POLD1: variants seen among roughly 807,000 people sequenced by gnomAD.
POLD1 encodes the protein DNA polymerase delta 1, catalytic subunit.
POLD1 carries 79 observed loss-of-function variants against 129.7 expected under a neutral mutation model. The observed-to-expected ratio is 0.61, with a 90% CI of 0.51 to 0.73. The LOEUF is 0.73. POLD1 is among the 30% of genes least tolerant of loss of function. The pLI is 0.00. For synonymous variants in POLD1, 714 were observed against 683.3 expected (o/e 1.04, Z -0.70); for missense variants, 1,338 against 1,595.8 (o/e 0.84, Z 2.75).
chr19:50,413,634 T>A (rs1407748608), intron 18 of POLD1, 108 bp from the exon 19 acceptor site: 5 of 1,532,382 alleles, frequency 3.3e-6, no homozygotes, highest in Non-Finnish European at 4.5e-6. Context: ...CCCACTCTCC[T>A]GTTGCATCCT....
chr19:50,401,710 A>T (rs1398027849), intron 3 of POLD1, 68 bp from the exon 4 acceptor site: 1 of 1,553,852 alleles, frequency 6.4e-7, no homozygotes, highest in African/African-American at 1.4e-5. Context: ...AGGTATTTCG[A>T]GGCTGTGGAG....
At chr19:50,396,436 G>A (rs538313126) in intron 1 of POLD1, among the ~76,000 whole-genome samples, 2 of 139,584 alleles carry the variant, frequency 1.4e-5, no homozygotes, top group South Asian at 2.1e-4. Context: ...ATCTTGTCAA[G>A]GATATTGTAT....
chr19:50,412,828 TCGAA>T (rs2039133837), intron 17 of POLD1, among the ~76,000 whole-genome samples: 2 of 152,132 alleles, frequency 1.3e-5, no homozygotes, highest in Non-Finnish European at 2.9e-5. Flanking sequence ...CAGGCTGATC[TCGAA>T]CTCCTGACCT....
chr19:50,401,667 C>T, intron 3 of POLD1, 111 bp from the exon 4 acceptor site: 1 of 1,190,030 alleles, frequency 8.4e-7, no homozygotes, highest in Non-Finnish European at 1.2e-6. Flanking sequence ...GGGAACGGTA[C>T]AGGGGCAGGA....
intron 10 of POLD1, among the ~76,000 whole-genome samples, chr19:50,404,574 CT>C (rs71182717): frequency 2.4e-3 from 183 of 77,856 alleles, no homozygotes; most frequent in African/African-American, 9.2e-3. Context: ...TTTTCTCTTT[CT>C]TTTTTTTTTT....
intron 1 of POLD1, among the ~76,000 whole-genome samples, chr19:50,396,368 G>A (rs569674683): frequency 6.6e-6 from 1 of 151,462 alleles, no homozygotes; most frequent in African/African-American, 2.4e-5. Context: ...GGATTACAGC[G>A]TGGGCCACCG....
rs1254476274 is a variant in POLD1 at position 50,402,711 on chromosome 19, A to T, written c.940A>T (p.Ser314Cys). 6.3e-7 allele frequency: 1 copy of T among 1,597,590 alleles called. No individual in the cohort carries two copies. The highest frequency in any genetic ancestry group is 2.1e-4 in the Middle Eastern group (1 of 4,826). The part of the protein sequence containing the change: ...WQRIAPLRVL[S>C]FDIECAGRKG... ...GCGCATTGCGCCCTTGCGCGTGCTC[A>T]GCTTCGATATCGAGTGCGCCGGCCG... The change falls in exon 8 of 27, where the codon AGC becomes TGC. Residue 314 changes from serine (S) to cysteine (C), a missense_variant. By Grantham distance (112) the Ser-to-Cys change is moderately radical. Around this residue, in one of 3 missense-constraint regions of POLD1, gnomAD observed 720 missense variants for 1,002.6 expected, o/e 0.72. Coordinates refer to ENST00000440232, the MANE Select transcript of POLD1 (RefSeq NM_002691.4).
chr19:50,416,280 C>G (rs3219438), intron 22 of POLD1, 116 bp from the exon 23 acceptor site: 2 of 1,092,506 alleles, frequency 1.8e-6, no homozygotes, highest in East Asian at 2.6e-5. Flanking sequence ...CAGGCCCCCC[C>G]CATGTCACAG....
chr19:50,402,280 C>T lies in POLD1; in HGVS notation c.665C>T (p.Pro222Leu), dbSNP rs368940099. 46 of 1,607,372 alleles carry T rather than the reference C, an allele frequency of 2.9e-5. No individual in the cohort carries two copies. Among genetic ancestry groups the T allele is most frequent in the South Asian group, 1.9e-4 (17 of 90,402 alleles). Residue 222 changes from proline (P) to leucine (L), a missense_variant, in exon 6 of 27, where the codon CCG (proline) becomes CTG (leucine). Transcript: ENST00000440232. Reference sequence around the variant, plus strand: ...GTGGCGCTGCCGCGCCTCGTGGCCCCGGCCCGCCGTCTCCTGGAACAGGGC... The same window carrying T: ...GTGGCGCTGCCGCGCCTCGTGGCCCTGGCCCGCCGTCTCCTGGAACAGGGC... ...ITVALPRLVAPARRLLEQGIR... is the reference protein window; with the variant it reads ...ITVALPRLVALARRLLEQGIR...
At chr19:50,399,190 C>G in intron 2 of POLD1, 137 bp downstream of exon 2, 1 of 1,342,310 alleles carries the variant, frequency 7.4e-7, no homozygotes. Flanking sequence ...TGCCCTTCCA[C>G]CCCGTGCAGC....
chr19:50,402,442 A>T lies in POLD1; in HGVS notation c.759-12A>T. 1 of 1,612,460 alleles carries T rather than the reference A, an allele frequency of 6.2e-7. No homozygotes were observed. On this transcript the variant is annotated splice_polypyrimidine_tract_variant and intron_variant, in intron 6 of 26. Transcript: ENST00000440232. ...GGGCAGCCCCTGTCCACTGACCCCCAGCCCCCTCCAGGTTCATGGTGGACA... is the reference window on the plus strand; with the variant it reads ...GGGCAGCCCCTGTCCACTGACCCCCTGCCCCCTCCAGGTTCATGGTGGACA...
intron 3 of POLD1, among the ~76,000 whole-genome samples, chr19:50,401,391 A>ATTTTTTTTTTTTTTTTTTTTT (rs1203165864): frequency 3.0e-5 from 2 of 65,990 alleles, no homozygotes; most frequent in Non-Finnish European, 5.1e-5. Flanking sequence ...ATATATATAT[A>ATTTTTTTTTTTTTTTTTTTTT]TTTTTTTTTT....
At chr19:50,403,029 C>T (rs1210741696) in intron 8 of POLD1, 24 bp from the exon 9 acceptor site, 4 of 1,551,788 alleles carry the variant, frequency 2.6e-6, no homozygotes, top group South Asian at 1.2e-5. Flanking sequence ...AGGAGTCAGG[C>T]CCCTGCATCC....
At chr19:50,384,747 C>G (rs537710436) in intron 1 of POLD1, among the ~76,000 whole-genome samples, 5 of 152,298 alleles carry the variant, frequency 3.3e-5, no homozygotes, top group African/African-American at 1.2e-4. Context: ...GAAGCAGGAA[C>G]AAGTCAGAGA....
chr19:50,400,895 A>G (rs1568617217), intron 3 of POLD1, among the ~76,000 whole-genome samples: 1 of 149,876 alleles, frequency 6.7e-6, no homozygotes. Flanking sequence ...ATGGGGTTTC[A>G]CCGTTTTAGC....
rs562423630 is a variant in POLD1, at chr19:50,403,306, G to C, written c.1137+87G>C. 3.1e-5 allele frequency: 42 copies of C among 1,362,316 alleles called. 1 individual carries two copies. The highest frequency in any genetic ancestry group is 3.0e-6 in the Non-Finnish European group (3 of 997,846). The allele number at this position is 1,362,316 out of a possible 1,614,324, so 84.4% of individuals were successfully genotyped here. On this transcript the variant is annotated intron_variant, in intron 9 of 26. Transcript: ENST00000440232. Reference sequence around the variant, plus strand: ...GCCATCAGCTCCTGGGTGCTGCGACGCCCATGTCTGTGGGTCTGGGTGGGT... The same window carrying C: ...GCCATCAGCTCCTGGGTGCTGCGACCCCCATGTCTGTGGGTCTGGGTGGGT...
intron 26 of POLD1, 24 bp downstream of exon 26, chr19:50,417,293 G>T (rs781356552): frequency 2.0e-6 from 3 of 1,518,584 alleles, no homozygotes; most frequent in Admixed American, 3.7e-5. Flanking sequence ...CCCGACCCTG[G>T]GCTGCCCCGC....
At chr19:50,392,152 C>G (rs947754558) in intron 1 of POLD1, among the ~76,000 whole-genome samples, 25 of 152,172 alleles carry the variant, frequency 1.6e-4, no homozygotes, top group African/African-American at 5.8e-4. Context: ...CTCACTGCAG[C>G]CTTCACCTCC....
At position 50,406,407 on chromosome 19, in the gene POLD1, G is replaced by C; in HGVS notation, c.1384G>C (p.Val462Leu). The change falls in exon 12 of 27, where the codon GTG (valine) becomes CTG (leucine). Residue 462 changes from valine (V) to leucine (L), a missense_variant and splice_region_variant. Coordinates refer to ENST00000440232, the MANE Select transcript of POLD1 (RefSeq NM_002691.4). The surrounding 1 kb of genome is among the most constrained non-coding windows in gnomAD (Gnocchi z 5.5). ...VGRVQMDMLQ[V>L]LLREYKLRSY... is the part of the protein sequence containing the mutation. Reference sequence around the variant, plus strand: ...CCCACCAGCCCACCCACCCACCTAGGTGCTGCTGCGGGAGTACAAGCTCCG... The same window carrying C: ...CCCACCAGCCCACCCACCCACCTAGCTGCTGCTGCGGGAGTACAAGCTCCG... The C allele has an allele frequency of 6.2e-7, 1 of 1,604,510 alleles. No individual in the cohort carries two copies. Among genetic ancestry groups the C allele is most frequent in the Non-Finnish European group, 8.5e-7 (1 of 1,175,354 alleles).
Sources: gnomAD v4.1 joint callset for allele counts (sites outside exome capture counted in the v4.1 genomes callset) on GRCh38, gnomAD v4.1.1 for gene constraint, gnomAD v4.1.1 regional missense constraint, Gnocchi (gnomAD v3.1) non-coding constraint, MANE v1.5 for transcripts, NCBI Gene and HGNC (gene_info 2026-07-23, HGNC 2026-07-21) for gene names.